Variants in PGP observed in about 807,000 individuals in gnomAD.
PGP encodes aspartate-based ubiquitous Mg(2+)-dependent phosphatase.
PGP carries 9 observed loss-of-function variants against 19.3 expected under a neutral mutation model. The observed-to-expected ratio is 0.47, with a 90% CI of 0.28 to 0.81. PGP has a LOEUF of 0.81. Ranked by LOEUF, PGP falls within the 40% of genes least tolerant of loss-of-function variation. The pLI is 0.11. For missense variants in PGP, 403 were observed against 479.9 expected, an observed-to-expected ratio of 0.84 and a Z score of 1.50; for synonymous variants, 308 against 226.8, an observed-to-expected ratio of 1.36 and a Z score of -3.22.
chr16:2,212,133 C>G lies in PGP; in HGVS notation c.*1595G>C, dbSNP rs2093376938. On this transcript the variant is annotated 3_prime_UTR_variant, in exon 2 of 2. Coordinates refer to ENST00000333503, the MANE Select transcript of PGP (RefSeq NM_001042371.3). ...CTGAGGCTGCATCTGCCATGCGCTC[C>G]TGGTGTGACTGCACCCTGTCAGGCC... 2 of 985,558 alleles carry G rather than the reference C, an allele frequency of 2.0e-6. No individual in the cohort carries two copies. The highest frequency in any genetic ancestry group is 9.4e-5 in the South Asian group (2 of 21,296). The allele number at this position is 985,558 out of a possible 1,614,324, so 61.1% of individuals were successfully genotyped here. A position where few individuals can be genotyped will look rare whatever the true frequency, so the allele number is the denominator to read the frequency against.
At position 2,212,607 on chromosome 16, in the gene PGP, G is replaced by A; in HGVS notation, c.*1121C>T. ...CCACCAGTCTCTAACCCCTACCCCA[G>A]CCTAGGGAAGGGGAGGACAGGAAGA... is the stretch of plus-strand genomic sequence containing the variant. On this transcript the variant is annotated 3_prime_UTR_variant, in exon 2 of 2. Transcript: ENST00000333503. The A allele has an allele frequency of 1.0e-5, 10 of 985,498 alleles. No individual in the cohort carries two copies. The South Asian group carries it at 4.2e-4, about 42-fold the overall frequency. The allele number at this position is 985,498 out of a possible 1,614,324, so 61.0% of individuals were successfully genotyped here.
Position 2,212,070 on chromosome 16 carries a change from C to G in PGP, c.*1658G>C. 1.0e-6 allele frequency: 1 copy of G among 985,494 alleles called. No individual in the cohort carries two copies. The allele number at this position is 985,494 out of a possible 1,614,324, so 61.0% of individuals were successfully genotyped here. On this transcript the variant is annotated 3_prime_UTR_variant, in exon 2 of 2. Coordinates refer to ENST00000333503, the MANE Select transcript of PGP (RefSeq NM_001042371.3). ...CCTCATGGGCCAGAGACAGGATGCA[C>G]GGGGACTCCCAGCCCCTACCCGGCA...
At position 2,214,716 on chromosome 16, in the gene PGP, G is replaced by A. The variant is rs938073324; in HGVS notation, c.62C>T (p.Ala21Val). ...ARCVRLSAER[A>V]QALLADVDTL... ...GTCCACGTCGGCCAGCAGCGCCTGTGCCCGCTCGGCGCTCAGCCGCACGCA... is the reference window on the plus strand; with the variant it reads ...GTCCACGTCGGCCAGCAGCGCCTGTACCCGCTCGGCGCTCAGCCGCACGCA... Residue 21 changes from alanine (A) to valine (V), a missense_variant, in exon 1 of 2, where the codon GCA becomes GTA. Physicochemically the swap from Ala to Val is moderately conservative, Grantham distance 64 (BLOSUM62 0). Coordinates refer to ENST00000333503, the MANE Select transcript of PGP (RefSeq NM_001042371.3). This position sits in a 1 kb window ranked among gnomAD's most constrained non-coding sequence, Gnocchi z 7.1. 19 of 1,360,150 alleles carry A rather than the reference G, an allele frequency of 1.4e-5. No individual in the cohort carries two copies. In the African/African-American group the frequency reaches 2.2e-4, roughly 15 times the overall value. 84.3% of individuals were successfully genotyped at this position (1,360,150 alleles called of 1,614,324 possible).
In PGP at chr16:2,213,007, A is replaced by C. The variant is rs947880862; in HGVS notation, c.*721T>G. 2.0e-6 allele frequency: 2 copies of C among 985,432 alleles called. No individual in the cohort carries two copies. The highest frequency in any genetic ancestry group is 2.4e-6 in the Non-Finnish European group (2 of 829,972). 61.0% of individuals were successfully genotyped at this position (985,432 alleles called of 1,614,324 possible). ...CCACGCCATGGTAGCTGCTCCGTCC[A>C]AATCACCTGGGTATAAATGCACACT... is the stretch of plus-strand genomic sequence containing the variant. On this transcript the variant is annotated 3_prime_UTR_variant, in exon 2 of 2. Coordinates refer to ENST00000333503, the MANE Select transcript of PGP (RefSeq NM_001042371.3).
chr16:2,211,715 G>C lies in PGP; in HGVS notation c.*2013C>G, dbSNP rs2093375878. The C allele has an allele frequency of 1.0e-6, 1 of 985,470 alleles. No homozygotes were observed. The highest frequency in any genetic ancestry group is 1.2e-6 in the Non-Finnish European group (1 of 829,978). The allele number at this position is 985,470 out of a possible 1,614,324, so 61.0% of individuals were successfully genotyped here. The stretch of plus-strand genomic sequence containing the variant: ...TTACGGGTGTGAGCCACTGCGCCCG[G>C]GCCAGCATTACTTCTGAGCTCTGCT... On this transcript the variant is annotated 3_prime_UTR_variant, in exon 2 of 2. Coordinates refer to ENST00000333503, the MANE Select transcript of PGP (RefSeq NM_001042371.3).
rs1396656545 is a variant in PGP at position 2,211,709 on chromosome 16, C to T, written c.*2019G>A. On this transcript the variant is annotated 3_prime_UTR_variant, in exon 2 of 2. Coordinates refer to ENST00000333503, the MANE Select transcript of PGP (RefSeq NM_001042371.3). ...TTGGGATTACGGGTGTGAGCCACTG[C>T]GCCCGGGCCAGCATTACTTCTGAGC... 1.9e-5 allele frequency: 19 copies of T among 985,368 alleles called. No individual in the cohort carries two copies. The highest frequency in any genetic ancestry group is 1.4e-4 in the South Asian group (3 of 21,300). 61.0% of individuals were successfully genotyped at this position (985,368 alleles called of 1,614,324 possible).
rs552858199 is a variant in PGP at position 2,212,414 on chromosome 16, C to T, written c.*1314G>A. The T allele has an allele frequency of 1.9e-5, 19 of 985,836 alleles. No homozygotes were observed. The highest frequency in any genetic ancestry group is 1.2e-4 in the Admixed American group (2 of 16,288). 61.1% of individuals were successfully genotyped at this position (985,836 alleles called of 1,614,324 possible). On this transcript the variant is annotated 3_prime_UTR_variant, in exon 2 of 2. Transcript: ENST00000333503. ...GAGCCAGCCAGAAGGTGCAGCATCC[C>T]GGGATGGCCCTGCTGAGTCTGCTGT... is the stretch of plus-strand genomic sequence containing the variant.
rs1053232930 is a variant in PGP at position 2,212,301 on chromosome 16, T to C, written c.*1427A>G. On this transcript the variant is annotated 3_prime_UTR_variant, in exon 2 of 2. Transcript: ENST00000333503. Reference sequence around the variant, plus strand: ...TGCTGAAGGCTCAGGACGCCTCTTATTGCTCTGAAGTCTTTGTGACCAAGT... The same window carrying C: ...TGCTGAAGGCTCAGGACGCCTCTTACTGCTCTGAAGTCTTTGTGACCAAGT... 1.0e-5 allele frequency: 10 copies of C among 985,878 alleles called. No individual in the cohort carries two copies. The highest frequency in any genetic ancestry group is 1.1e-5 in the Non-Finnish European group (9 of 830,092). The allele number at this position is 985,878 out of a possible 1,614,324, so 61.1% of individuals were successfully genotyped here.
In PGP at chr16:2,213,489, C is replaced by T. The variant is rs982464124; in HGVS notation, c.*239G>A. ...GCCCCTGCCAACCCCACCCAAGGCC[C>T]AGAACCCAGCCCACAACGCCTTCCA... On this transcript the variant is annotated 3_prime_UTR_variant, in exon 2 of 2. Coordinates refer to ENST00000333503, the MANE Select transcript of PGP (RefSeq NM_001042371.3). The T allele has an allele frequency of 1.5e-6, 1 of 683,442 alleles. No homozygotes were observed. The highest frequency in any genetic ancestry group is 2.1e-6 in the Non-Finnish European group (1 of 481,750). The allele number at this position is 683,442 out of a possible 1,614,324, so 42.3% of individuals were successfully genotyped here.
In PGP at chr16:2,212,879, T is replaced by C; in HGVS notation, c.*849A>G. ...CACAGAGCACAGCTATTAATACACT[T>C]AAAATTCAAATCCATTGCCTGACAC... On this transcript the variant is annotated 3_prime_UTR_variant, in exon 2 of 2. Transcript: ENST00000333503. The C allele has an allele frequency of 1.0e-6, 1 of 985,380 alleles. No individual in the cohort carries two copies. 61.0% of individuals were successfully genotyped at this position (985,380 alleles called of 1,614,324 possible).
Position 2,213,414 on chromosome 16 carries a change from G to C in PGP, c.*314C>G. The C allele has an allele frequency of 1.0e-6, 1 of 998,764 alleles. No homozygotes were observed. Among genetic ancestry groups the C allele is most frequent in the Non-Finnish European group, 1.2e-6 (1 of 814,180 alleles). The allele number at this position is 998,764 out of a possible 1,614,324, so 61.9% of individuals were successfully genotyped here. A position where few individuals can be genotyped will look rare whatever the true frequency, so the allele number is the denominator to read the frequency against. ...GACACACACCCCTAGACCCGCCTCA[G>C]TCCCATCGGCAGGCCCTGGTTACCT... is the stretch of plus-strand genomic sequence containing the variant. On this transcript the variant is annotated 3_prime_UTR_variant, in exon 2 of 2. Coordinates refer to ENST00000333503, the MANE Select transcript of PGP (RefSeq NM_001042371.3).
chr16:2,214,162 G>T lies in PGP; in HGVS notation c.616C>A (p.Leu206Ile). The T allele has an allele frequency of 1.3e-6, 2 of 1,562,268 alleles. No individual in the cohort carries two copies. Among genetic ancestry groups the T allele is most frequent in the South Asian group, 2.2e-5 (2 of 89,774 alleles). Residue 206 changes from leucine (L) to isoleucine (I), a missense_variant, in exon 1 of 2, where the codon CTT becomes ATT. Coordinates refer to ENST00000333503, the MANE Select transcript of PGP (RefSeq NM_001042371.3). The surrounding 1 kb of genome is among the most constrained non-coding windows in gnomAD (Gnocchi z 7.1). ...CCCGCGATGAAGCGGCCGTTCTCAA[G>T]CGGAAGCCGGTTGTCCATGTTGGTG... is the stretch of plus-strand genomic sequence containing the variant. ...VGTNMDNRLP[L>I]ENGRFIAGTG...
chr16:2,211,984 A>C lies in PGP; in HGVS notation c.*1744T>G, dbSNP rs1339796500. 3 of 985,428 alleles carry C rather than the reference A, an allele frequency of 3.0e-6. No homozygotes were observed. Among genetic ancestry groups the C allele is most frequent in the East Asian group, 2.3e-4 (2 of 8,830 alleles). 61.0% of individuals were successfully genotyped at this position (985,428 alleles called of 1,614,324 possible). A position where few individuals can be genotyped will look rare whatever the true frequency, so the allele number is the denominator to read the frequency against. On this transcript the variant is annotated 3_prime_UTR_variant, in exon 2 of 2. Coordinates refer to ENST00000333503, the MANE Select transcript of PGP (RefSeq NM_001042371.3). ...GCCAATGCAAGGTGAGAGCAAGGAC[A>C]CCTGAGCCAGTGTGGGTTTGAGAGT... is the stretch of plus-strand genomic sequence containing the variant.
Position 2,212,059 on chromosome 16 carries a change from GAC to G in PGP, c.*1667_*1668del. On this transcript the variant is annotated 3_prime_UTR_variant, in exon 2 of 2. Transcript: ENST00000333503. ...GTGCTGCAGCCCCTCATGGGCCAGA[GAC>G]AGGATGCACGGGGACTCCCAGCCCC... The G allele has an allele frequency of 1.0e-6, 1 of 985,514 alleles. No homozygotes were observed. Among genetic ancestry groups the G allele is most frequent in the Non-Finnish European group, 1.2e-6 (1 of 829,946 alleles). 61.0% of individuals were successfully genotyped at this position (985,514 alleles called of 1,614,324 possible). A position where few individuals can be genotyped will look rare whatever the true frequency, so the allele number is the denominator to read the frequency against.
rs758114144 is a variant in PGP, at chr16:2,214,460, C to T, written c.318G>A (p.Ala106=). ...CGGCCAGGCGCTGGCGCAGGTAGAG[C>T]GCGGTGCAGTAGGCCGTGCCGAAGA... is the stretch of plus-strand genomic sequence containing the variant. ...LEVFGTAYCT[A]LYLRQRLAGA... Residue 106 remains alanine, a synonymous_variant, in exon 1 of 2, where the codon GCG becomes GCA. Transcript: ENST00000333503. The surrounding 1 kb of genome is among the most constrained non-coding windows in gnomAD (Gnocchi z 7.1). The T allele has an allele frequency of 7.4e-6, 10 of 1,349,290 alleles. No individual in the cohort carries two copies. The East Asian group carries it at 2.5e-4, about 34-fold the overall frequency. The allele number at this position is 1,349,290 out of a possible 1,614,324, so 83.6% of individuals were successfully genotyped here.
At position 2,214,248 on chromosome 16, in the gene PGP, C is replaced by T. The variant is rs200615324; in HGVS notation, c.530G>A (p.Ser177Asn). Residue 177 changes from serine (S) to asparagine (N), a missense_variant, in exon 1 of 2, where the codon AGC becomes AAC. Transcript: ENST00000333503. The surrounding 1 kb of genome is among the most constrained non-coding windows in gnomAD (Gnocchi z 7.1). ...AVVVGFDPHF[S>N]YMKLTKALRY... ...CAGGGCCTTGGTGAGCTTCATGTAG[C>T]TGAAGTGCGGGTCAAAGCCCACCAC... 4.8e-4 allele frequency: 761 copies of T among 1,590,840 alleles called. 1 individual carries two copies. Among genetic ancestry groups the T allele is most frequent in the Non-Finnish European group, 6.0e-4 (706 of 1,176,896 alleles).
Position 2,211,666 on chromosome 16 carries a change from C to T in PGP, c.*2062G>A. On this transcript the variant is annotated 3_prime_UTR_variant, in exon 2 of 2. Transcript: ENST00000333503. Reference sequence around the variant, plus strand: ...CTCCTGATCTCAAGTAATCCACCTGCCTCAGCCTTCCAAAGCGTTGGGATT... The same window carrying T: ...CTCCTGATCTCAAGTAATCCACCTGTCTCAGCCTTCCAAAGCGTTGGGATT... 1 of 982,156 alleles carries T rather than the reference C, an allele frequency of 1.0e-6. No homozygotes were observed. The highest frequency in any genetic ancestry group is 1.2e-6 in the Non-Finnish European group (1 of 826,946). The allele number at this position is 982,156 out of a possible 1,614,324, so 60.8% of individuals were successfully genotyped here. A position where few individuals can be genotyped will look rare whatever the true frequency, so the allele number is the denominator to read the frequency against.
Position 2,211,995 on chromosome 16 carries a change from T to A in PGP, c.*1733A>T. 1.0e-6 allele frequency: 1 copy of A among 985,500 alleles called. No homozygotes were observed. The highest frequency in any genetic ancestry group is 1.2e-6 in the Non-Finnish European group (1 of 829,978). The allele number at this position is 985,500 out of a possible 1,614,324, so 61.0% of individuals were successfully genotyped here. ...GTGAGAGCAAGGACACCTGAGCCAG[T>A]GTGGGTTTGAGAGTTTAATCTGTGC... On this transcript the variant is annotated 3_prime_UTR_variant, in exon 2 of 2. Transcript: ENST00000333503.
At position 2,214,665 on chromosome 16, in the gene PGP, A is replaced by G. The variant is rs2093383449; in HGVS notation, c.113T>C (p.Val38Ala). 1 of 1,441,072 alleles carries G rather than the reference A, an allele frequency of 6.9e-7. No individual in the cohort carries two copies. Among genetic ancestry groups the G allele is most frequent in the Non-Finnish European group, 9.1e-7 (1 of 1,098,228 alleles). 89.3% of individuals were successfully genotyped at this position (1,441,072 alleles called of 1,614,324 possible). The change falls in exon 1 of 2, where the codon GTG becomes GCG. Residue 38 changes from valine to alanine, a missense_variant. Physicochemically the swap from Val to Ala is moderately conservative, Grantham distance 64. Coordinates refer to ENST00000333503, the MANE Select transcript of PGP (RefSeq NM_001042371.3). The surrounding 1 kb of genome is among the most constrained non-coding windows in gnomAD (Gnocchi z 7.1). The stretch of plus-strand genomic sequence containing the variant: ...CACGGCGGTCTCCCCGCGCCACAGC[A>G]CGCCGTCGCAGTCGAACAGCAGCGT... ...VDTLLFDCDG[V>A]LWRGETAVPG...
Sources: allele counts gnomAD v4.1 joint callset, GRCh38; gene constraint gnomAD v4.1.1; non-coding constraint Gnocchi (gnomAD v3.1); transcripts MANE v1.5; gene names NCBI Gene and HGNC (gene_info 2026-07-23, HGNC 2026-07-21).